The following ADAMTS18 variants were observed in gnomAD, a reference collection of about 807,000 sequenced individuals.
The protein encoded by ADAMTS18 is ADAM metallopeptidase with thrombospondin type 1 motif 18.
ADAMTS18 carries 157 observed loss-of-function variants against 165.9 expected under a neutral mutation model. The observed-to-expected ratio is 0.95, with a 90% confidence interval of 0.83 to 1.08. The LOEUF is 1.08. ADAMTS18 is among the 50% of genes least tolerant of loss of function. ADAMTS18 has a pLI of 0.00. For synonymous variants in ADAMTS18, 782 were observed against 578.2 expected (o/e 1.35, Z -5.06); for missense variants, 2,040 against 1,534.0 (o/e 1.33, Z -5.51).
At chr16:77,427,588 G>A (rs371513540) in intron 3 of ADAMTS18, among the ~76,000 whole-genome samples, 4 of 152,116 alleles carry the variant, frequency 2.6e-5, no homozygotes, top group African/African-American at 7.2e-5. Context: ...CAGATTATAA[G>A]GCCACCTGGT....
chr16:77,316,881 G>A (rs1335798745), intron 16 of ADAMTS18, among the ~76,000 whole-genome samples: 1 of 152,098 alleles, frequency 6.6e-6, no homozygotes. Flanking sequence ...AGGCCAGTCT[G>A]GTCTCATACT....
intron 3 of ADAMTS18, among the ~76,000 whole-genome samples, chr16:77,414,861 TA>T: frequency 6.6e-6 from 1 of 152,250 alleles, no homozygotes; most frequent in East Asian, 1.9e-4. Flanking sequence ...AGAAATCAAT[TA>T]AAAATGGTTA....
At chr16:77,323,129 A>C (rs761046943) in intron 13 of ADAMTS18, among the ~76,000 whole-genome samples, 1 of 152,066 alleles carries the variant, frequency 6.6e-6, no homozygotes, top group Non-Finnish European at 1.5e-5. Flanking sequence ...AAAAATTAAA[A>C]AAAAATTATA....
intron 16 of ADAMTS18, among the ~76,000 whole-genome samples, chr16:77,313,316 G>A (rs1240613333): frequency 6.6e-6 from 1 of 152,046 alleles, no homozygotes; most frequent in Non-Finnish European, 1.5e-5. Flanking sequence ...AGGGGGGAAG[G>A]ATAGCATTAG....
intron 3 of ADAMTS18, among the ~76,000 whole-genome samples, chr16:77,384,135 T>C (rs752242356): frequency 1.3e-5 from 2 of 152,160 alleles, no homozygotes; most frequent in South Asian, 2.1e-4. Context: ...GTAAATATTT[T>C]TGGTATTAAT....
Position 77,283,797 on chromosome 16 carries a change from C to T in ADAMTS18, c.*159G>A. On this transcript the variant is annotated 3_prime_UTR_variant, in exon 23 of 23. Coordinates refer to ENST00000282849, the MANE Select transcript of ADAMTS18 (RefSeq NM_199355.4). ...TGCTTCAGGGAATTGAGCTAGAAGC[C>T]TACTGGCAACCTGTCTGTTCCTCAG... is the stretch of plus-strand genomic sequence containing the variant. The T allele has an allele frequency of 6.3e-6, 4 of 633,838 alleles. No homozygotes were observed. The highest frequency in any genetic ancestry group is 5.3e-5 in the South Asian group (3 of 56,438). The allele number at this position is 633,838 out of a possible 1,614,324, so 39.3% of individuals were successfully genotyped here. A position where few individuals can be genotyped will look rare whatever the true frequency, so the allele number is the denominator to read the frequency against.
intron 3 of ADAMTS18, among the ~76,000 whole-genome samples, chr16:77,427,434 G>A (rs1218475038): frequency 6.6e-6 from 1 of 152,204 alleles, no homozygotes; most frequent in Non-Finnish European, 1.5e-5. Context: ...ATGGCTTGCT[G>A]GATGTAATGA....
rs149893700 is a variant in ADAMTS18, at chr16:77,319,893, G to A, written c.2488C>T (p.Arg830Cys). 3,123 of 1,614,092 alleles carry A rather than the reference G, an allele frequency of 1.9e-3. 6 individuals are homozygous for A. The highest frequency in any genetic ancestry group is 2.4e-3 in the Non-Finnish European group (2,828 of 1,179,958). The change falls in exon 16 of 23, where the codon CGT becomes TGT. Residue 830 changes from arginine to cysteine, a missense_variant. By Grantham distance (180) the Arg-to-Cys change is radical. Coordinates refer to ENST00000282849, the MANE Select transcript of ADAMTS18 (RefSeq NM_199355.4). ...TTTGTGGGCCCTGGCGCGTACAGAC[G>A]TTCCGGGCGGTTGAAAGAGCGCTGG... ...EYQRSFNRPE[R>C]LYAPGPTNET...
chr16:77,432,347 T>C (rs1038758343), intron 2 of ADAMTS18: 1 of 152,236 alleles, frequency 6.6e-6, no homozygotes, highest in African/African-American at 2.4e-5. Flanking sequence ...ATGTATAAAA[T>C]TGCTCAGGCA....
chr16:77,314,137 C>T (rs992234127), intron 16 of ADAMTS18, among the ~76,000 whole-genome samples: 1 of 152,042 alleles, frequency 6.6e-6, no homozygotes. Flanking sequence ...GAGGGACGTC[C>T]ACCAAACAGA....
At chr16:77,426,977 G>T (rs949458722) in intron 3 of ADAMTS18, among the ~76,000 whole-genome samples, 1 of 152,124 alleles carries the variant, frequency 6.6e-6, no homozygotes, top group Non-Finnish European at 1.5e-5. Flanking sequence ...TTATACCACT[G>T]TACTCAAGCC....
chr16:77,306,522 A>G (rs992746236), intron 16 of ADAMTS18, among the ~76,000 whole-genome samples: 1 of 152,160 alleles, frequency 6.6e-6, no homozygotes, highest in Non-Finnish European at 1.5e-5. Context: ...AAATTCCTTC[A>G]GTCAGCTTTG....
intron 3 of ADAMTS18, among the ~76,000 whole-genome samples, chr16:77,428,848 T>C (rs77349545): frequency 0.014 from 2,198 of 152,224 alleles, 51 homozygotes; most frequent in African/African-American, 0.05. Flanking sequence ...TCCCAAACAT[T>C]TCAGATAAGG....
intron 12 of ADAMTS18, among the ~76,000 whole-genome samples, chr16:77,329,357 C>T (rs1257847853): frequency 6.6e-6 from 1 of 152,116 alleles, no homozygotes; most frequent in Non-Finnish European, 1.5e-5. Context: ...TCTGCCTTGG[C>T]CTTCCCAAGT....
At chr16:77,426,423 A>G (rs2057673961) in intron 3 of ADAMTS18, among the ~76,000 whole-genome samples, 1 of 152,188 alleles carries the variant, frequency 6.6e-6, no homozygotes, top group Admixed American at 6.5e-5. Context: ...TCTTTAATAT[A>G]AGACATTTCT....
rs2144688051 is a variant in ADAMTS18, at chr16:77,341,761, G to A, written c.1653C>T (p.His551=). The change falls in exon 11 of 23, where the codon CAC becomes CAT. Residue 551 remains histidine, a synonymous_variant. Coordinates refer to ENST00000282849, the MANE Select transcript of ADAMTS18 (RefSeq NM_199355.4). ...CKSLWCHRVG[H]RCETKFMPAA... ...CGGGCATAAACTTGGTCTCACACCT[G>A]TGGCCTACTCGGTGGCACCAAAGTG... 1 of 1,613,552 alleles carries A rather than the reference G, an allele frequency of 6.2e-7. No individual in the cohort carries two copies. The highest frequency in any genetic ancestry group is 8.5e-7 in the Non-Finnish European group (1 of 1,179,800).
chr16:77,300,181 A>G, intron 17 of ADAMTS18, 82 bp downstream of exon 17: 1 of 1,546,778 alleles, frequency 6.5e-7, no homozygotes, highest in South Asian at 1.1e-5. Flanking sequence ...TATTTAAACC[A>G]TATTATGTTA....
intron 21 of ADAMTS18, chr16:77,290,919 C>A: frequency 6.8e-6 from 2 of 292,056 alleles, no homozygotes; most frequent in South Asian, 3.2e-5. Flanking sequence ...AGGCTGTGAG[C>A]AGCATTTCTA....
In ADAMTS18 at chr16:77,284,020, T is replaced by G. The variant is rs753578241; in HGVS notation, c.3602A>C (p.His1201Pro). The G allele has an allele frequency of 3.1e-6, 5 of 1,614,048 alleles. No individual in the cohort carries two copies. The highest frequency in any genetic ancestry group is 8.5e-7 in the Non-Finnish European group (1 of 1,179,938). The part of the protein sequence containing the change: ...FFNWCHLVPQ[H>P]GVCNHKFYGK... ...GTAAAACTTGTGGTTGCAGACACCA[T>G]GCTGAGGAACTAGGTGACACCAGTT... The change falls in exon 23 of 23, where the codon CAT (histidine) becomes CCT (proline). Residue 1201 changes from histidine to proline, a missense_variant. His to Pro is a moderately conservative substitution (Grantham distance 77). Transcript: ENST00000282849.
Sources: gnomAD v4.1 joint callset for allele counts (sites outside exome capture counted in the v4.1 genomes callset) on GRCh38, gnomAD v4.1.1 for gene constraint, MANE v1.5 for transcripts, NCBI Gene and HGNC (gene_info 2026-07-23, HGNC 2026-07-21) for gene names.